The following AGBL1 variants were observed in gnomAD, a reference collection of about 807,000 sequenced individuals.
AGBL1 encodes the protein AGBL carboxypeptidase 1, also known as cytosolic carboxypeptidase 4.
In AGBL1, 130 loss-of-function variants were observed where a neutral mutation model predicts 118.9. The ratio of observed to expected loss-of-function variants is 1.09; its 90% CI spans 0.95 to 1.26. The LOEUF (loss-of-function observed/expected upper bound fraction) is 1.26, where lower values mean the gene tolerates loss of function less well. Among genes scored for constraint, AGBL1 ranks in the 50% most tolerant of loss-of-function variants. The pLI, the probability that AGBL1 is intolerant of heterozygous loss-of-function variation, is 0.00. For synonymous variants in AGBL1, 555 were observed against 478.9 expected, an observed-to-expected ratio of 1.16 and a Z score of -2.08; for missense variants, 1,584 against 1,298.1, an observed-to-expected ratio of 1.22 and a Z score of -3.38.
At chr15:86,198,441 G>A (rs1189814847) in intron 5 of AGBL1, among the ~76,000 whole-genome samples, 1 of 152,152 alleles carries the variant, frequency 6.6e-6, no homozygotes, top group East Asian at 1.9e-4. Context: ...GGGATGGAGT[G>A]GATGTACTTT....
intron 18 of AGBL1, among the ~76,000 whole-genome samples, chr15:86,459,949 G>A (rs2082310555): frequency 6.6e-6 from 1 of 152,104 alleles, no homozygotes; most frequent in South Asian, 2.1e-4. Context: ...ATTTAAAAGT[G>A]AGGAAAAATT....
chr15:86,996,608 T>C (rs1458137426), intron 24 of AGBL1, among the ~76,000 whole-genome samples: 1 of 152,152 alleles, frequency 6.6e-6, no homozygotes, highest in Non-Finnish European at 1.5e-5. Flanking sequence ...TCTCAAAGCA[T>C]ATACCTAGCA....
At chr15:86,808,534 T>C (rs1342712193) in intron 22 of AGBL1, among the ~76,000 whole-genome samples, 1 of 152,154 alleles carries the variant, frequency 6.6e-6, no homozygotes, top group African/African-American at 2.4e-5. Context: ...TACTCAGTTT[T>C]ATAAATTTTC....
At chr15:86,547,074 G>C (rs1046882058) in intron 20 of AGBL1, among the ~76,000 whole-genome samples, 15 of 152,092 alleles carry the variant, frequency 9.9e-5, no homozygotes, top group African/African-American at 3.1e-4. Flanking sequence ...ATCAAAAATA[G>C]ACTGCCGCTG....
In AGBL1 at chr15:86,098,471, T is replaced by C. The variant is rs562379376; in HGVS notation, c.51+18448T>C. Among the ~76,000 whole-genome samples, 6 of 152,258 alleles carry C rather than the reference T, an allele frequency of 3.9e-5. No individual in the cohort carries two copies. In the East Asian group the frequency reaches 7.7e-4, roughly 20 times the overall value. ...GTCTTATGTTTAAGTCTTTAATCCA[T>C]CTTGAGTTGATTTTTATACATGCTG... On this transcript the variant is annotated intron_variant, in intron 1 of 22. Coordinates refer to ENST00000614907, the MANE Select transcript of AGBL1 (RefSeq NM_001386094.1).
At chr15:86,433,226 T>TCTCCTCCTC (rs1567256244) in intron 18 of AGBL1, among the ~76,000 whole-genome samples, 1 of 146,796 alleles carries the variant, frequency 6.8e-6, no homozygotes, top group African/African-American at 2.5e-5. Context: ...TTCTTCTTCT[T>TCTCCTCCTC]CTTCTCCTCC....
chr15:86,347,740 C>A (rs552177779), intron 17 of AGBL1, among the ~76,000 whole-genome samples: 3 of 152,196 alleles, frequency 2.0e-5, no homozygotes, highest in African/African-American at 7.2e-5. Flanking sequence ...AATGAAATGC[C>A]ACAACTGACA....
At chr15:86,697,337 C>T (rs529480394) in intron 22 of AGBL1, among the ~76,000 whole-genome samples, 2 of 151,876 alleles carry the variant, frequency 1.3e-5, no homozygotes, top group East Asian at 3.9e-4. Flanking sequence ...ATTTCAAAAA[C>T]CTTGTCTTCC....
chr15:86,422,224 G>A (rs967930640), intron 18 of AGBL1, among the ~76,000 whole-genome samples: 1 of 152,152 alleles, frequency 6.6e-6, no homozygotes, highest in African/African-American at 2.4e-5. Context: ...AAACGCAAAA[G>A]AATGGAAATC....
chr15:86,861,872 C>T (rs527347032), intron 22 of AGBL1, among the ~76,000 whole-genome samples: 10 of 152,276 alleles, frequency 6.6e-5, no homozygotes, highest in Non-Finnish European at 1.5e-4. Flanking sequence ...TCAGCTATCA[C>T]AAAAAATAAA....
At chr15:86,339,065 T>C (rs2080419589) in intron 17 of AGBL1, among the ~76,000 whole-genome samples, 5 of 152,198 alleles carry the variant, frequency 3.3e-5, no homozygotes, top group African/African-American at 7.2e-5. Context: ...AGTTTGTTAA[T>C]ATGGTAGATA....
chr15:86,683,446 A>G (rs1331188938), intron 22 of AGBL1, among the ~76,000 whole-genome samples: 1 of 152,202 alleles, frequency 6.6e-6, no homozygotes, highest in Non-Finnish European at 1.5e-5. Flanking sequence ...TGCTGCTTCC[A>G]AAATGTTACC....
chr15:86,506,064 T>G (rs1039411028), intron 18 of AGBL1, among the ~76,000 whole-genome samples: 1 of 152,108 alleles, frequency 6.6e-6, no homozygotes, highest in Non-Finnish European at 1.5e-5. Flanking sequence ...TAGTATTCTG[T>G]AACTAATAAG....
intron 21 of AGBL1, among the ~76,000 whole-genome samples, chr15:86,602,548 A>C (rs1400044020): frequency 6.6e-6 from 1 of 152,196 alleles, no homozygotes; most frequent in Non-Finnish European, 1.5e-5. Flanking sequence ...AATTCCAGTC[A>C]AGTTTAATAT....
At chr15:86,195,903 C>T (rs185944395) in intron 5 of AGBL1, among the ~76,000 whole-genome samples, 182 of 152,166 alleles carry the variant, frequency 1.2e-3, no homozygotes, top group African/African-American at 4.2e-3. Context: ...CAAGCTCTGC[C>T]GTGGGGGCGT....
At chr15:86,651,227 G>A (rs1421758406) in intron 21 of AGBL1, among the ~76,000 whole-genome samples, 1 of 152,102 alleles carries the variant, frequency 6.6e-6, no homozygotes, top group Non-Finnish European at 1.5e-5. Flanking sequence ...TTTAACCAGT[G>A]TTATTCCATG....
At chr15:86,896,916 A>C (rs76442943) in intron 22 of AGBL1, among the ~76,000 whole-genome samples, 2,386 of 152,254 alleles carry the variant, frequency 0.016, 27 homozygotes, top group East Asian at 0.025. Flanking sequence ...GATTTCCTAG[A>C]CTTTCTCAAG....
At chr15:86,403,341 G>T (rs926758558) in intron 18 of AGBL1, among the ~76,000 whole-genome samples, 1 of 152,212 alleles carries the variant, frequency 6.6e-6, no homozygotes, top group East Asian at 1.9e-4. Flanking sequence ...TTCTTTCAAG[G>T]CCATTGTGGA....
intron 23 of AGBL1, among the ~76,000 whole-genome samples, chr15:86,944,967 T>C (rs528590363): frequency 6.6e-6 from 1 of 152,214 alleles, no homozygotes; most frequent in South Asian, 2.1e-4. Flanking sequence ...ATGGTCATCG[T>C]GTATATAAGT....
Sources: allele counts gnomAD v4.1 joint callset (sites outside exome capture counted in the v4.1 genomes callset), GRCh38; gene constraint gnomAD v4.1.1; transcripts MANE v1.5; gene names NCBI Gene and HGNC (gene_info 2026-07-23, HGNC 2026-07-21).